PYGO1: variants seen among roughly 807,000 people sequenced by gnomAD.
PYGO1 encodes pygopus homolog 1.
Under a neutral mutation model 29.5 loss-of-function variants are expected in PYGO1, and 6 were observed. That is an observed-to-expected ratio of 0.20 (90% CI 0.11 to 0.40). PYGO1 has a LOEUF of 0.40. Among genes scored for constraint, PYGO1 ranks in the 10% least tolerant of loss-of-function variants. The probability of loss-of-function intolerance (pLI) is 1.00; values close to 1 mark genes in which losing one functional copy is unlikely to be tolerated. For synonymous variants in PYGO1, 186 were observed against 180.5 expected (o/e 1.03, Z -0.24); for missense variants, 515 against 514.9 (o/e 1.00, Z 0.00).
In PYGO1 at chr15:55,566,232, C is replaced by T. The variant is rs78709338; in HGVS notation, c.50-17237G>A. Among the ~76,000 whole-genome samples, 11 of 152,212 alleles carry T rather than the reference C, an allele frequency of 7.2e-5. No individual in the cohort carries two copies. In the East Asian group the frequency reaches 2.1e-3, roughly 29 times the overall value. On this transcript the variant is annotated intron_variant, in intron 1 of 2. Coordinates refer to ENST00000563719, the MANE Select transcript of PYGO1 (RefSeq NM_001367806.1). ...CAAACCCTGCCCCTAATTGCACTGC[C>T]CCTCAGTAGTCCCCAGGGTCTATTG...
In PYGO1 at chr15:55,545,205, T is replaced by C. The variant is rs1399423904; in HGVS notation, c.*818A>G. ...TATAAAAAAGTATTCACAATTCTTC[T>C]GTGGATACTATAGTATTTCTCTGGA... On this transcript the variant is annotated 3_prime_UTR_variant, in exon 3 of 3. Coordinates refer to ENST00000563719, the MANE Select transcript of PYGO1 (RefSeq NM_001367806.1). 2 of 152,220 alleles carry C rather than the reference T, an allele frequency of 1.3e-5. No homozygotes were observed. Among genetic ancestry groups the C allele is most frequent in the African/African-American group, 4.8e-5 (2 of 41,464 alleles). 9.4% of individuals were successfully genotyped at this position (152,220 alleles called of 1,614,324 possible).
At chr15:55,563,981 C>T (rs143311158) in intron 1 of PYGO1, among the ~76,000 whole-genome samples, 8 of 152,200 alleles carry the variant, frequency 5.3e-5, no homozygotes, top group African/African-American at 4.8e-5. Context: ...GTACAGCCAC[C>T]GTGGAAAACA....
chr15:55,580,779 T>C (rs533161001), intron 1 of PYGO1, among the ~76,000 whole-genome samples: 7 of 152,292 alleles, frequency 4.6e-5, no homozygotes, highest in Admixed American at 3.9e-4. Context: ...TTGACCATAC[T>C]TTAAGGCTAA....
At chr15:55,575,829 C>A (rs2058998976) in intron 1 of PYGO1, among the ~76,000 whole-genome samples, 2 of 152,140 alleles carry the variant, frequency 1.3e-5, no homozygotes, top group African/African-American at 4.8e-5. Context: ...GGTATTAATA[C>A]CAGCTTAAAC....
intron 1 of PYGO1, among the ~76,000 whole-genome samples, chr15:55,557,960 C>T (rs2058914333): frequency 6.6e-6 from 1 of 152,124 alleles, no homozygotes; most frequent in African/African-American, 2.4e-5. Context: ...TCTTACCACT[C>T]CTATTCAACA....
rs759739986 is a variant in PYGO1 at position 55,569,231 on chromosome 15, G to GTGTT, written c.49+18600_49+18603dup. Among the ~76,000 whole-genome samples the GTGTT allele has an allele frequency of 9.9e-5, 15 of 151,962 alleles. No homozygotes were observed. In the East Asian group the frequency reaches 2.3e-3, roughly 23 times the overall value. ...AGCTATAAATTCATTTGATCCTAGG[G>GTGTT]TGTTTGTTTGTTTCATTGATACTTT... is the stretch of plus-strand genomic sequence containing the variant. On this transcript the variant is annotated intron_variant, in intron 1 of 2. Coordinates refer to ENST00000563719, the MANE Select transcript of PYGO1 (RefSeq NM_001367806.1).
intron 1 of PYGO1, among the ~76,000 whole-genome samples, chr15:55,556,667 C>A (rs541249277): frequency 6.8e-6 from 1 of 147,732 alleles, no homozygotes; most frequent in African/African-American, 2.5e-5. Context: ...CTGAAGGAGA[C>A]AGAGACACAA....
intron 1 of PYGO1, among the ~76,000 whole-genome samples, chr15:55,564,589 CCTGTCCCAGGGCCAT>C (rs1567055601): frequency 7.3e-5 from 6 of 82,248 alleles, no homozygotes; most frequent in Non-Finnish European, 1.6e-4. Flanking sequence ...GGTGGCCATG[CCTGTCCCAGGGCCAT>C]GCAAGGCACA....
rs1382382277 is a variant in PYGO1, at chr15:55,543,812, C to G, written c.*2211G>C. 1.3e-5 allele frequency: 2 copies of G among 152,156 alleles called. No homozygotes were observed. Among genetic ancestry groups the G allele is most frequent in the African/African-American group, 4.8e-5 (2 of 41,432 alleles). 9.4% of individuals were successfully genotyped at this position (152,156 alleles called of 1,614,324 possible). The stretch of plus-strand genomic sequence containing the variant: ...AATAAATCATGATCTGATGCTACAA[C>G]TAGGCATACAGCATACAGTGCATCA... On this transcript the variant is annotated 3_prime_UTR_variant, in exon 3 of 3. Coordinates refer to ENST00000563719, the MANE Select transcript of PYGO1 (RefSeq NM_001367806.1).
At chr15:55,548,433 C>T (rs774074857) in intron 2 of PYGO1, among the ~76,000 whole-genome samples, 2 of 149,906 alleles carry the variant, frequency 1.3e-5, no homozygotes, top group Non-Finnish European at 3.0e-5. Context: ...TACAGCGAGG[C>T]GTGGTGGCTC....
At chr15:55,582,121 C>T (rs1360204202) in intron 1 of PYGO1, among the ~76,000 whole-genome samples, 7 of 146,392 alleles carry the variant, frequency 4.8e-5, no homozygotes, top group Non-Finnish European at 8.9e-5. Flanking sequence ...GCAGGAGAAT[C>T]GCTTGAACCT....
At chr15:55,565,567 T>A (rs976815457) in intron 1 of PYGO1, among the ~76,000 whole-genome samples, 2 of 149,906 alleles carry the variant, frequency 1.3e-5, no homozygotes, top group African/African-American at 2.5e-5. Flanking sequence ...AAAAAAAAAA[T>A]TAGCCAGGCT....
rs34676788 is a variant in PYGO1, at chr15:55,575,430, A to C, written c.49+12405T>G. On this transcript the variant is annotated intron_variant, in intron 1 of 2. Coordinates refer to ENST00000563719, the MANE Select transcript of PYGO1 (RefSeq NM_001367806.1). ...ATACTGTAGTCAGTACTTTTAAAAA[A>C]ATCACTGTGTTTTTGTAGGAAATAG... 6.0e-3 allele frequency among the ~76,000 whole-genome samples: 913 copies of C among 152,322 alleles called. 5 individuals are homozygous for C. The highest frequency in any genetic ancestry group is 0.012 in the Admixed American group (184 of 15,290).
intron 1 of PYGO1, among the ~76,000 whole-genome samples, chr15:55,560,926 C>T (rs2058930176): frequency 6.6e-6 from 1 of 152,174 alleles, no homozygotes; most frequent in African/African-American, 2.4e-5. Flanking sequence ...GCACTCCAGC[C>T]TGGGCGACAG....
intron 1 of PYGO1, among the ~76,000 whole-genome samples, chr15:55,556,359 T>A (rs1049391506): frequency 7.2e-5 from 11 of 152,034 alleles, no homozygotes; most frequent in Non-Finnish European, 1.5e-4. Context: ...CTGAAAACCA[T>A]ACAACTACAT....
chr15:55,588,918 G>A (rs1259786680), upstream of PYGO1: 2 of 1,414,456 alleles, frequency 1.4e-6, no homozygotes, highest in African/African-American at 1.4e-5. Context: ...TCTGTAGAAT[G>A]CCTCCACTTG....
rs528870195 is a variant in PYGO1, at chr15:55,582,526, T to C, written c.49+5309A>G. Among the ~76,000 whole-genome samples, 15 of 152,268 alleles carry C rather than the reference T, an allele frequency of 9.9e-5. No homozygotes were observed. The South Asian group carries it at 1.7e-3, about 17-fold the overall frequency. Reference sequence around the variant, plus strand: ...TCCCCCCTTGTCTCCCAAATGTTAGTGTTTCCAAAGTTGGTGTTTTCAATG... The same window carrying C: ...TCCCCCCTTGTCTCCCAAATGTTAGCGTTTCCAAAGTTGGTGTTTTCAATG... On this transcript the variant is annotated intron_variant, in intron 1 of 2. Coordinates refer to ENST00000563719, the MANE Select transcript of PYGO1 (RefSeq NM_001367806.1).
chr15:55,573,431 A>C (rs1214188627), intron 1 of PYGO1, among the ~76,000 whole-genome samples: 5 of 152,212 alleles, frequency 3.3e-5, no homozygotes, highest in Non-Finnish European at 7.3e-5. Flanking sequence ...GAAGCCTGGA[A>C]GTTCCTCAAG....
At chr15:55,552,096 G>A (rs577203350) in intron 1 of PYGO1, among the ~76,000 whole-genome samples, 42 of 151,922 alleles carry the variant, frequency 2.8e-4, no homozygotes, top group South Asian at 1.0e-3. Flanking sequence ...GGCTCACACC[G>A]GTAATCCCAA....
Sources: gnomAD v4.1 joint callset for allele counts (sites outside exome capture counted in the v4.1 genomes callset) on GRCh38, gnomAD v4.1.1 for gene constraint, MANE v1.5 for transcripts, NCBI Gene and HGNC (gene_info 2026-07-23, HGNC 2026-07-21) for gene names.